Variants in GAN observed in about 807,000 individuals in gnomAD.
GAN encodes the protein epididymis secretory sperm binding protein.
Under a neutral mutation model 71.3 loss-of-function variants are expected in GAN, and 48 were observed. That is an observed-to-expected ratio of 0.67 (90% CI 0.53 to 0.86). The LOEUF (loss-of-function observed/expected upper bound fraction) is 0.86, where lower values mean the gene tolerates loss of function less well. Among genes scored for constraint, GAN ranks in the 40% least tolerant of loss-of-function variants. GAN has a pLI of 0.00. For missense variants in GAN, 928 were observed against 770.1 expected, an observed-to-expected ratio of 1.21 and a Z score of -2.43; for synonymous variants, 386 against 276.8, an observed-to-expected ratio of 1.39 and a Z score of -3.92.
chr16:81,353,011 G>A (rs1464281135), intron 2 of GAN, among the ~76,000 whole-genome samples: 3 of 152,236 alleles, frequency 2.0e-5, no homozygotes, highest in Non-Finnish European at 4.4e-5. Context: ...GATAGTTGGG[G>A]CCGGGCGCGG....
intron 2 of GAN, 136 bp from the exon 3 acceptor site, chr16:81,354,269 C>G (rs776450706): frequency 2.3e-4 from 152 of 670,282 alleles, no homozygotes; most frequent in Non-Finnish European, 2.3e-4. Context: ...CTGGGTTAAA[C>G]CATATGAAAT....
Position 81,380,061 on chromosome 16 carries a change from T to C in GAN, c.*2465T>C, listed in dbSNP as rs1388064572. The C allele has an allele frequency of 6.6e-6, 1 of 152,578 alleles. No homozygotes were observed. The highest frequency in any genetic ancestry group is 2.1e-4 in the South Asian group (1 of 4,830). 9.5% of individuals were successfully genotyped at this position (152,578 alleles called of 1,614,324 possible). A position where few individuals can be genotyped will look rare whatever the true frequency, so the allele number is the denominator to read the frequency against. On this transcript the variant is annotated 3_prime_UTR_variant, in exon 11 of 11. Transcript: ENST00000648994. Reference sequence around the variant, plus strand: ...ACTGTTATTTTACTATATATAAATATTAAAATATTGTGTTGAAGTATAGGG... The same window carrying C: ...ACTGTTATTTTACTATATATAAATACTAAAATATTGTGTTGAAGTATAGGG...
rs372133850 is a variant in GAN at position 81,377,573 on chromosome 16, C to T, written c.1771C>T (p.Arg591Cys). The change falls in exon 11 of 11, where the codon CGT becomes TGT. Residue 591 changes from arginine to cysteine, a missense_variant. Arg to Cys is a radical substitution (Grantham distance 180). Coordinates refer to ENST00000648994, the MANE Select transcript of GAN (RefSeq NM_022041.4). ...FRLQLQQGLF[R>C]IRVHSP ...CCTGCAGCTTCAGCAAGGCTTATTC[C>T]GTATTCGTGTTCATTCCCCTTGAGG... 6.8e-6 allele frequency: 11 copies of T among 1,614,010 alleles called. No individual in the cohort carries two copies. The highest frequency in any genetic ancestry group is 2.2e-5 in the East Asian group (1 of 44,890).
rs1024972737 is a variant in GAN at position 81,356,728 on chromosome 16, A to C, written c.634-57A>C. On this transcript the variant is annotated intron_variant, in intron 3 of 10. Coordinates refer to ENST00000648994, the MANE Select transcript of GAN (RefSeq NM_022041.4). ...ATGAGGTGGAAAATGTAGATTCTAA[A>C]AATGATGTGTTGCATTTTCCATTGT... The C allele has an allele frequency of 7.6e-6, 9 of 1,179,518 alleles. No individual in the cohort carries two copies. The African/African-American group carries it at 1.2e-4, about 16-fold the overall frequency. 73.1% of individuals were successfully genotyped at this position (1,179,518 alleles called of 1,614,324 possible).
chr16:81,354,872 A>G, intron 3 of GAN, 117 bp downstream of exon 3: 1 of 677,828 alleles, frequency 1.5e-6, no homozygotes, highest in Non-Finnish European at 2.6e-6. Context: ...AATCTAAAAG[A>G]TACCTGTAAA....
At chr16:81,342,226 A>G (rs138609819) in intron 1 of GAN, among the ~76,000 whole-genome samples, 3 of 152,222 alleles carry the variant, frequency 2.0e-5, no homozygotes, top group Non-Finnish European at 4.4e-5. Flanking sequence ...CAGATGAATG[A>G]GACAGAAAAT....
intron 1 of GAN, among the ~76,000 whole-genome samples, chr16:81,348,598 C>G (rs555277774): frequency 1.3e-5 from 2 of 152,332 alleles, no homozygotes; most frequent in South Asian, 4.1e-4. Flanking sequence ...GCTGGGGGCC[C>G]TGTCCAGCCA....
chr16:81,356,853 G>T lies in GAN; in HGVS notation c.702G>T (p.Gln234His). 1 of 1,613,798 alleles carries T rather than the reference G, an allele frequency of 6.2e-7. No homozygotes were observed. The highest frequency in any genetic ancestry group is 1.7e-5 in the Admixed American group (1 of 60,028). Residue 234 changes from glutamine (Q) to histidine (H), a missense_variant, in exon 4 of 11, where the codon CAG (glutamine) becomes CAT (histidine). Coordinates refer to ENST00000648994, the MANE Select transcript of GAN (RefSeq NM_022041.4). Reference sequence around the variant, plus strand: ...TGGACTCCAGTTATTTACGGGAACAGATGCTGAATGAACCATTAGTACGAG... The same window carrying T: ...TGGACTCCAGTTATTTACGGGAACATATGCTGAATGAACCATTAGTACGAG... ...SGLDSSYLRE[Q>H]MLNEPLVREI...
At chr16:81,326,104 T>C (rs1443262235) in intron 1 of GAN, among the ~76,000 whole-genome samples, 2 of 152,176 alleles carry the variant, frequency 1.3e-5, no homozygotes, top group Non-Finnish European at 2.9e-5. Flanking sequence ...AAGGAGTGCA[T>C]CATCGCCTCA....
chr16:81,352,487 G>A (rs1910331781), intron 2 of GAN, among the ~76,000 whole-genome samples: 1 of 151,966 alleles, frequency 6.6e-6, no homozygotes, highest in Non-Finnish European at 1.5e-5. Context: ...TCTTACCTTT[G>A]GCTGTGTGAG....
chr16:81,320,931 T>G (rs900595264), intron 1 of GAN, among the ~76,000 whole-genome samples: 15 of 152,190 alleles, frequency 9.9e-5, no homozygotes, highest in African/African-American at 3.4e-4. Context: ...CCTTTTTTCT[T>G]TTTTGTAATC....
chr16:81,348,939 A>G (rs1027321554), intron 1 of GAN, among the ~76,000 whole-genome samples: 7 of 152,192 alleles, frequency 4.6e-5, no homozygotes, highest in African/African-American at 7.2e-5. Flanking sequence ...AGCATTCAGT[A>G]TGTAAACATT....
At chr16:81,333,035 C>A (rs149178648) in intron 1 of GAN, among the ~76,000 whole-genome samples, 1 of 152,052 alleles carries the variant, frequency 6.6e-6, no homozygotes, top group South Asian at 2.1e-4. Context: ...GTCAGGAGAT[C>A]GAGATCATCC....
chr16:81,347,531 C>T (rs545307748), intron 1 of GAN, among the ~76,000 whole-genome samples: 1 of 152,130 alleles, frequency 6.6e-6, no homozygotes, highest in East Asian at 1.9e-4. Flanking sequence ...TTGATATATT[C>T]CTTTGTTTTT....
chr16:81,321,879 G>T (rs760880168), intron 1 of GAN, among the ~76,000 whole-genome samples: 2 of 152,160 alleles, frequency 1.3e-5, no homozygotes, highest in Non-Finnish European at 2.9e-5. Flanking sequence ...CTTCCCATGG[G>T]TTCTCTTCCT....
chr16:81,332,828 C>A (rs992890171), intron 1 of GAN, among the ~76,000 whole-genome samples: 4 of 152,136 alleles, frequency 2.6e-5, no homozygotes, highest in African/African-American at 9.7e-5. Flanking sequence ...GCATTTTTGG[C>A]AAGAACCCCA....
chr16:81,369,382 G>A (rs1233805187), intron 9 of GAN, among the ~76,000 whole-genome samples: 1 of 152,172 alleles, frequency 6.6e-6, no homozygotes, highest in Non-Finnish European at 1.5e-5. Context: ...GAAAATGCAG[G>A]AGAGGTGATG....
At chr16:81,324,854 A>G (rs998720794) in intron 1 of GAN, among the ~76,000 whole-genome samples, 1 of 152,252 alleles carries the variant, frequency 6.6e-6, no homozygotes, top group East Asian at 1.9e-4. Context: ...TGTGCTCTAT[A>G]AAAGCCAAGA....
At chr16:81,353,261 C>T (rs1377649861) in intron 2 of GAN, among the ~76,000 whole-genome samples, 4 of 138,384 alleles carry the variant, frequency 2.9e-5, no homozygotes, top group Non-Finnish European at 4.5e-5. Flanking sequence ...CACTGCACTC[C>T]AGCGTGGGCG....
Sources: allele counts gnomAD v4.1 joint callset (sites outside exome capture counted in the v4.1 genomes callset), GRCh38; gene constraint gnomAD v4.1.1; transcripts MANE v1.5; gene names NCBI Gene and HGNC (gene_info 2026-07-23, HGNC 2026-07-21).